CFAP57: variants seen among roughly 807,000 people sequenced by gnomAD.
CFAP57 encodes the protein cilia- and flagella-associated protein 57.
In CFAP57, 116 loss-of-function variants were observed where a neutral mutation model predicts 146.8. The ratio of observed to expected loss-of-function variants is 0.79; its 90% CI spans 0.68 to 0.92. The LOEUF is 0.92. Ranked by LOEUF, CFAP57 falls within the 40% of genes least tolerant of loss-of-function variation. The pLI is 0.00. For synonymous variants in CFAP57, 518 were observed against 552.8 expected (o/e 0.94, Z 0.88); for missense variants, 1,377 against 1,527.2 (o/e 0.90, Z 1.64).
At chr1:43,222,397 C>T (rs1645079579) in intron 15 of CFAP57, 102 bp downstream of exon 15, 1 of 1,110,662 alleles carries the variant, frequency 9.0e-7, no homozygotes, top group Admixed American at 3.6e-5. Flanking sequence ...ATGTGTTATA[C>T]ACTGGGTCAG....
At chr1:43,222,039 G>T in intron 14 of CFAP57, 66 bp from the exon 15 acceptor site, 2 of 1,421,970 alleles carry the variant, frequency 1.4e-6, no homozygotes, top group South Asian at 1.5e-5. Context: ...AGCGCCCAAG[G>T]CTCCTGGGTG....
intron 3 of CFAP57, among the ~76,000 whole-genome samples, chr1:43,182,600 T>G (rs774176325): frequency 6.6e-6 from 1 of 152,184 alleles, no homozygotes; most frequent in Non-Finnish European, 1.5e-5. Context: ...TTCCTAGTAA[T>G]AGAGAAGTTG....
At chr1:43,215,575 T>C (rs189000437) in intron 12 of CFAP57, among the ~76,000 whole-genome samples, 159 bp downstream of exon 12, 125 of 152,270 alleles carry the variant, frequency 8.2e-4, no homozygotes, top group African/African-American at 2.6e-3. Context: ...AACCAAGCTC[T>C]CCTCCTCATT....
chr1:43,249,048 A>AT (rs1229728481), intron 22 of CFAP57, among the ~76,000 whole-genome samples: 65,106 of 123,956 alleles, frequency 0.53, 17,439 homozygotes, highest in African/African-American at 0.61. Flanking sequence ...CTCCCAGCTA[A>AT]TTTTTTTTTT....
Position 43,185,263 on chromosome 1 carries a change from A to G in CFAP57, c.876A>G (p.Ser292=), listed in dbSNP as rs779684814. 1 of 1,614,170 alleles carries G rather than the reference A, an allele frequency of 6.2e-7. No individual in the cohort carries two copies. Among genetic ancestry groups the G allele is most frequent in the Non-Finnish European group, 8.5e-7 (1 of 1,180,034 alleles). The change falls in exon 5 of 23, where the codon TCA becomes TCG. Residue 292 remains serine (S), a synonymous_variant. Transcript: ENST00000372492. The part of the protein sequence containing the change: ...MPQVFAIAAY[S]KGFACSAGPG... ...AGGTGTTTGCCATTGCAGCCTATTC[A>G]AAGGGATTTGCCTGTTCTGCTGGGC...
In CFAP57 at chr1:43,183,772, A is replaced by C; in HGVS notation, c.656A>C (p.Lys219Thr). The change falls in exon 4 of 23, where the codon AAA becomes ACA. Residue 219 changes from lysine to threonine, a missense_variant. Physicochemically the swap from Lys to Thr is moderately conservative, Grantham distance 78. Transcript: ENST00000372492. ...DKIVVGTDTG[K>T]LFLFESGDQR... ...ATTGTCGTTGGCACTGACACAGGCA[A>C]ACTCTTCCTCTTTGAATCTGGAGAT... 6.2e-7 allele frequency: 1 copy of C among 1,614,208 alleles called. No homozygotes were observed. Among genetic ancestry groups the C allele is most frequent in the Non-Finnish European group, 8.5e-7 (1 of 1,180,034 alleles).
chr1:43,206,911 C>G lies in CFAP57; in HGVS notation c.1734C>G (p.Leu578=). The change falls in exon 10 of 23, where the codon CTC becomes CTG. Residue 578 remains leucine, a synonymous_variant. Transcript: ENST00000372492. ...TTGCTGTTGGATCAGACCACACCCT[C>G]AAGGAGATTGCAGATTCCTTGGTGA... ...IIFAVGSDHT[L]KEIADSLILR... 6.2e-7 allele frequency: 1 copy of G among 1,613,892 alleles called. No homozygotes were observed. Among genetic ancestry groups the G allele is most frequent in the South Asian group, 1.1e-5 (1 of 91,058 alleles).
At chr1:43,189,036 G>A (rs1004955870) in intron 6 of CFAP57, among the ~76,000 whole-genome samples, 2 of 152,156 alleles carry the variant, frequency 1.3e-5, no homozygotes, top group African/African-American at 4.8e-5. Flanking sequence ...GAGTAGTCTT[G>A]GCATCTTGTT....
chr1:43,236,590 TAAAAAAAAAAAAAAAAAA>T (rs764205138), intron 21 of CFAP57, among the ~76,000 whole-genome samples: 1 of 41,802 alleles, frequency 2.4e-5, no homozygotes, highest in Non-Finnish European at 3.7e-5. Context: ...GAATAAGTGC[TAAAAAAAAAAAAAAAAAA>T]AAAAAAAAAG....
intron 21 of CFAP57, among the ~76,000 whole-genome samples, chr1:43,240,117 C>T (rs770843914): frequency 1.3e-5 from 2 of 152,202 alleles, no homozygotes; most frequent in Non-Finnish European, 2.9e-5. Context: ...GGAAACCTAT[C>T]ACTGTTATGA....
At chr1:43,220,109 A>G (rs552123892) in intron 13 of CFAP57, among the ~76,000 whole-genome samples, 4 of 152,262 alleles carry the variant, frequency 2.6e-5, no homozygotes, top group South Asian at 2.1e-4. Flanking sequence ...AAATACATAT[A>G]GAAAATAGAT....
At chr1:43,226,856 G>A in intron 17 of CFAP57, 127 bp from the exon 18 acceptor site, 2 of 1,080,974 alleles carry the variant, frequency 1.9e-6, no homozygotes, top group Non-Finnish European at 1.3e-6. Flanking sequence ...GACGAAGGGA[G>A]GAGAGGAGTC....
chr1:43,249,597 CTTTTTTTTTTTT>C (rs35050145), intron 22 of CFAP57, among the ~76,000 whole-genome samples: 1 of 52,650 alleles, frequency 1.9e-5, no homozygotes, highest in Admixed American at 2.4e-4. Context: ...ACCCAGCTAA[CTTTTTTTTTTTT>C]TTTTTTTTTT....
intron 18 of CFAP57, among the ~76,000 whole-genome samples, chr1:43,227,994 T>C (rs1461486724): frequency 6.6e-6 from 1 of 152,174 alleles, no homozygotes; most frequent in Non-Finnish European, 1.5e-5. Flanking sequence ...CAAACCCTCC[T>C]TTCCCGCTGC....
chr1:43,227,702 C>T (rs1645302369), intron 18 of CFAP57, among the ~76,000 whole-genome samples: 1 of 152,080 alleles, frequency 6.6e-6, no homozygotes, highest in African/African-American at 2.4e-5. Flanking sequence ...CCTGTGAGGT[C>T]CCCCATGCCC....
intron 19 of CFAP57, among the ~76,000 whole-genome samples, chr1:43,233,017 G>C (rs2124613553): frequency 6.6e-6 from 1 of 152,326 alleles, no homozygotes. Flanking sequence ...ATTTCTCCAT[G>C]TTATAAATAA....
chr1:43,219,658 T>A, intron 13 of CFAP57, 121 bp downstream of exon 13: 1 of 1,239,424 alleles, frequency 8.1e-7, no homozygotes, highest in Non-Finnish European at 1.1e-6. Flanking sequence ...TGTCCAATTT[T>A]AAAGCATAGT....
intron 2 of CFAP57, among the ~76,000 whole-genome samples, chr1:43,174,279 A>T (rs137893597): frequency 4.7e-4 from 72 of 152,288 alleles, no homozygotes; most frequent in African/African-American, 1.6e-3. Context: ...AATAAAGTCA[A>T]ATTTATCAAC....
At chr1:43,220,249 AACGAT>A (rs760399180) in intron 13 of CFAP57, among the ~76,000 whole-genome samples, 10 of 152,226 alleles carry the variant, frequency 6.6e-5, no homozygotes, top group Non-Finnish European at 1.2e-4. Flanking sequence ...AACAAAATGA[AACGAT>A]AAGAAAAAGC....
Sources: gnomAD v4.1 joint callset for allele counts (sites outside exome capture counted in the v4.1 genomes callset) on GRCh38, gnomAD v4.1.1 for gene constraint, MANE v1.5 for transcripts, NCBI Gene and HGNC (gene_info 2026-07-23, HGNC 2026-07-21) for gene names.